DENND1A: variants seen among roughly 807,000 people sequenced by gnomAD.
DENND1A encodes DENN domain-containing protein 1A.
In DENND1A, 51 loss-of-function variants were observed where a neutral mutation model predicts 113.7. That is an observed-to-expected ratio of 0.45 (90% CI 0.36 to 0.57). DENND1A has a LOEUF of 0.57. Among genes scored for constraint, DENND1A ranks in the 20% least tolerant of loss-of-function variants. The probability of loss-of-function intolerance (pLI) is 0.00; values close to 1 mark genes in which losing one functional copy is unlikely to be tolerated. For synonymous variants in DENND1A, 565 were observed against 570.8 expected, an observed-to-expected ratio of 0.99 and a Z score of 0.14; for missense variants, 1,258 against 1,395.9, an observed-to-expected ratio of 0.90 and a Z score of 1.57.
At chr9:123,830,584 G>T (rs1590265511) in intron 2 of DENND1A, among the ~76,000 whole-genome samples, 1 of 152,022 alleles carries the variant, frequency 6.6e-6, no homozygotes, top group African/African-American at 2.4e-5. Flanking sequence ...GGAAAAGAGG[G>T]CCGGGCACAG....
chr9:123,833,542 T>C lies in DENND1A; in HGVS notation c.89-40912A>G, dbSNP rs10986116. 4.6e-3 allele frequency among the ~76,000 whole-genome samples: 698 copies of C among 152,202 alleles called. 26 individuals carry two copies. In the East Asian group the frequency reaches 0.12, roughly 25 times the overall value. On this transcript the variant is annotated intron_variant, in intron 2 of 23. Coordinates refer to ENST00000394215, the MANE Select transcript of DENND1A (RefSeq NM_001352964.2). The stretch of plus-strand genomic sequence containing the variant: ...CTACTCTGAGCTTTTTTAGGCATAA[T>C]ACATGAATTTCAGAAATGGTTAGTA...
At chr9:123,838,835 ACCCTC>A (rs1841426199) in intron 2 of DENND1A, among the ~76,000 whole-genome samples, 1 of 152,006 alleles carries the variant, frequency 6.6e-6, no homozygotes, top group Non-Finnish European at 1.5e-5. Context: ...CAGTGCCCAA[ACCCTC>A]CCACTGTTTC....
At chr9:123,419,631 C>T (rs775748110) in intron 19 of DENND1A, among the ~76,000 whole-genome samples, 9 of 152,198 alleles carry the variant, frequency 5.9e-5, no homozygotes, top group East Asian at 1.9e-4. Flanking sequence ...AGGGCCTCTG[C>T]GCCGAGAGCA....
chr9:123,654,888 G>A (rs1346470228), intron 8 of DENND1A, among the ~76,000 whole-genome samples: 1 of 152,170 alleles, frequency 6.6e-6, no homozygotes, highest in Non-Finnish European at 1.5e-5. Flanking sequence ...GGGGCAGAGC[G>A]GGGCCCCAGG....
At chr9:123,928,677 G>T (rs1588302010) in intron 1 of DENND1A, 1 of 985,392 alleles carries the variant, frequency 1.0e-6, no homozygotes, top group Non-Finnish European at 1.2e-6. Flanking sequence ...TAAATGAGAA[G>T]CCTAACCACA....
At chr9:123,876,443 G>T (rs915667030) in intron 2 of DENND1A, among the ~76,000 whole-genome samples, 1 of 152,164 alleles carries the variant, frequency 6.6e-6, no homozygotes, top group Admixed American at 6.5e-5. Flanking sequence ...ATAAGAATAT[G>T]TCTTTATTCT....
At chr9:123,806,041 C>T (rs1011344802) in intron 2 of DENND1A, among the ~76,000 whole-genome samples, 2 of 152,080 alleles carry the variant, frequency 1.3e-5, no homozygotes, top group South Asian at 2.1e-4. Context: ...GCAACCTCCA[C>T]CTTCCAGGTT....
chr9:123,633,996 A>C (rs1294547161), intron 9 of DENND1A, among the ~76,000 whole-genome samples: 1 of 152,234 alleles, frequency 6.6e-6, no homozygotes, highest in East Asian at 1.9e-4. Context: ...CACATGAATT[A>C]ATTTGTGATT....
intron 13 of DENND1A, among the ~76,000 whole-genome samples, chr9:123,477,749 T>A (rs1335601565): frequency 2.0e-5 from 3 of 148,630 alleles, no homozygotes; most frequent in South Asian, 2.1e-4. Context: ...TAAAAAAAAA[T>A]AATTAAAAAA....
At chr9:123,399,047 C>T (rs4607687) in intron 21 of DENND1A, among the ~76,000 whole-genome samples, 7 of 151,792 alleles carry the variant, frequency 4.6e-5, no homozygotes, top group Non-Finnish European at 7.4e-5. Flanking sequence ...CCGCCCGCCT[C>T]GGCCTCCCAA....
intron 2 of DENND1A, among the ~76,000 whole-genome samples, chr9:123,842,581 G>A (rs1275362930): frequency 6.6e-6 from 1 of 151,982 alleles, no homozygotes. Context: ...GATTTAAGAA[G>A]AAACAGAAAA....
intron 13 of DENND1A, among the ~76,000 whole-genome samples, chr9:123,551,212 G>A (rs1008742400): frequency 1.3e-5 from 2 of 152,186 alleles, no homozygotes; most frequent in African/African-American, 4.8e-5. Context: ...GTGATTTGCA[G>A]ACACCTTCCC....
At chr9:123,791,880 C>A (rs1313104117) in intron 3 of DENND1A, among the ~76,000 whole-genome samples, 1 of 152,100 alleles carries the variant, frequency 6.6e-6, no homozygotes, top group Non-Finnish European at 1.5e-5. Context: ...ATGTAAGGTG[C>A]CCCAAAAAAG....
intron 12 of DENND1A, among the ~76,000 whole-genome samples, chr9:123,569,289 T>C (rs1324782686): frequency 2.6e-5 from 4 of 152,168 alleles, no homozygotes; most frequent in African/African-American, 7.2e-5. Flanking sequence ...TCCTCAAAGA[T>C]AAAATGTAGC....
chr9:123,473,879 C>T (rs1224981864), intron 13 of DENND1A, among the ~76,000 whole-genome samples: 3 of 151,940 alleles, frequency 2.0e-5, no homozygotes, highest in African/African-American at 4.8e-5. Context: ...AGGACGCAGG[C>T]TTCGGTGGCT....
chr9:123,651,917 C>T, intron 9 of DENND1A, 96 bp downstream of exon 9: 1 of 1,039,042 alleles, frequency 9.6e-7, no homozygotes, highest in Non-Finnish European at 1.4e-6. Flanking sequence ...GGGACTGTAG[C>T]TGACTCCTTT....
chr9:123,417,910 G>T (rs1386134427), intron 19 of DENND1A, among the ~76,000 whole-genome samples: 1 of 151,944 alleles, frequency 6.6e-6, no homozygotes, highest in Non-Finnish European at 1.5e-5. Flanking sequence ...GGTAGGGAGT[G>T]CAGGGACAGG....
chr9:123,508,593 G>A (rs777984135), intron 13 of DENND1A, among the ~76,000 whole-genome samples: 3 of 152,134 alleles, frequency 2.0e-5, no homozygotes, highest in Non-Finnish European at 4.4e-5. Flanking sequence ...TGTGTAATTC[G>A]CTAATTGCAC....
intron 2 of DENND1A, among the ~76,000 whole-genome samples, chr9:123,858,792 C>T (rs577004513): frequency 3.2e-4 from 49 of 152,160 alleles, no homozygotes; most frequent in African/African-American, 1.1e-3. Context: ...ATTTATCATC[C>T]ACCACATTCC....
Sources: allele counts gnomAD v4.1 joint callset (sites outside exome capture counted in the v4.1 genomes callset), GRCh38; gene constraint gnomAD v4.1.1; transcripts MANE v1.5; gene names NCBI Gene and HGNC (gene_info 2026-07-23, HGNC 2026-07-21).